The following KRT6C variants were observed in gnomAD, a reference collection of about 807,000 sequenced individuals.
The protein encoded by KRT6C is keratin, type II cytoskeletal 6C.
Under a neutral mutation model 49.4 loss-of-function variants are expected in KRT6C, and 46 were observed. The observed-to-expected ratio is 0.93, with a 90% CI of 0.74 to 1.19. The LOEUF is 1.19. Ranked by LOEUF, KRT6C falls within the 50% of genes most tolerant of loss-of-function variation. KRT6C has a pLI of 0.00. For synonymous variants in KRT6C, 236 were observed against 297.1 expected (o/e 0.79, Z 2.12); for missense variants, 552 against 737.5 (o/e 0.75, Z 2.91).
chr12:52,472,879 C>G (rs1379532606), intron 1 of KRT6C, among the ~76,000 whole-genome samples: 1 of 142,594 alleles, frequency 7.0e-6, no homozygotes, highest in African/African-American at 2.4e-5. Context: ...CCCATATACT[C>G]CTGGCATTTG....
At chr12:52,469,331 C>A in intron 8 of KRT6C, 34 bp from the exon 9 acceptor site, 3 of 1,614,008 alleles carry the variant, frequency 1.9e-6, no homozygotes, top group Non-Finnish European at 2.5e-6. Context: ...CACAAGAAGC[C>A]ACGGTGAGCT....
chr12:52,470,474 T>G (rs1565808294), intron 6 of KRT6C, 31 bp downstream of exon 6: 1 of 1,614,130 alleles, frequency 6.2e-7, no homozygotes, highest in Non-Finnish European at 8.5e-7. Context: ...CAAAAAATGA[T>G]GCTTCTTTCC....
intron 6 of KRT6C, 48 bp downstream of exon 6, chr12:52,470,457 G>C: frequency 6.2e-7 from 1 of 1,613,902 alleles, no homozygotes; most frequent in Non-Finnish European, 8.5e-7. Flanking sequence ...CTGCCTGATG[G>C]GTCTAGCAAA....
At chr12:52,470,221 A>G (rs367087) in intron 6 of KRT6C, 192,746 of 596,164 alleles carry the variant, frequency 0.32, 35,018 homozygotes, top group East Asian at 0.56. Flanking sequence ...TTTGAGGAAT[A>G]CATCTGGATG....
intron 6 of KRT6C, 36 bp from the exon 7 acceptor site, chr12:52,469,926 T>G: frequency 1.9e-6 from 3 of 1,611,504 alleles, no homozygotes; most frequent in Non-Finnish European, 2.5e-6. Context: ...ACTTCTTGTC[T>G]GCTCCTCCGG....
Position 52,468,578 on chromosome 12 carries a change from G to A in KRT6C, c.*484C>T, listed in dbSNP as rs56879750. ...GCAAAGAGCAGAGAAATCATCACAG[G>A]GAGAAAGACTGTGTACATCATACGA... On this transcript the variant is annotated 3_prime_UTR_variant, in exon 9 of 9. Transcript: ENST00000252250. 2,495 of 167,860 alleles carry A rather than the reference G, an allele frequency of 0.015. 68 individuals carry two copies. Among genetic ancestry groups the A allele is most frequent in the African/African-American group, 0.057 (2,377 of 41,758 alleles). The allele number at this position is 167,860 out of a possible 1,614,324, so 10.4% of individuals were successfully genotyped here. A position where few individuals can be genotyped will look rare whatever the true frequency, so the allele number is the denominator to read the frequency against.
intron 6 of KRT6C, 154 bp from the exon 7 acceptor site, chr12:52,470,044 T>C (rs1937846724): frequency 2.2e-6 from 2 of 924,522 alleles, no homozygotes; most frequent in Non-Finnish European, 3.4e-6. Context: ...AATATTTGTC[T>C]AGTCTGGGAG....
In KRT6C at chr12:52,473,752, A is replaced by G. The variant is rs1338960915; in HGVS notation, c.-15T>C. 1.2e-6 allele frequency: 2 copies of G among 1,614,070 alleles called. No individual in the cohort carries two copies. The highest frequency in any genetic ancestry group is 1.1e-5 in the South Asian group (1 of 91,064). ...GTGCTGGCCATGGTTCCAGGAGATG[A>G]GAGGGCTGTGGCGAGCGTTGGAGGC... is the stretch of plus-strand genomic sequence containing the variant. On this transcript the variant is annotated 5_prime_UTR_variant, in exon 1 of 9. Transcript: ENST00000252250.
At chr12:52,470,441 T>G (rs1276657866) in intron 6 of KRT6C, 64 bp downstream of exon 6, 21 of 1,613,428 alleles carry the variant, frequency 1.3e-5, no homozygotes, top group Non-Finnish European at 1.7e-5. Context: ...AAATAATGGC[T>G]AATGACTGCC....
chr12:52,471,499 G>A lies in KRT6C; in HGVS notation c.834C>T (p.Tyr278=), dbSNP rs1251285843. Residue 278 remains tyrosine, a synonymous_variant, in exon 4 of 9, where the codon TAC becomes TAT. Transcript: ENST00000252250. ...TGGCTTGCAGTTCAACCTTGTTCATGTAGGCAGCATCCACATCCTGGGGAA... is the reference window on the plus strand; with the variant it reads ...TGGCTTGCAGTTCAACCTTGTTCATATAGGCAGCATCCACATCCTGGGGAA... ...VTLKKDVDAA[Y]MNKVELQAKA... 9 of 1,613,476 alleles carry A rather than the reference G, an allele frequency of 5.6e-6. No homozygotes were observed. The highest frequency in any genetic ancestry group is 1.3e-5 in the African/African-American group (1 of 74,746).
intron 6 of KRT6C, 85 bp from the exon 7 acceptor site, chr12:52,469,975 A>G (rs904531370): frequency 6.8e-7 from 1 of 1,463,950 alleles, no homozygotes; most frequent in African/African-American, 1.4e-5. Context: ...GGGTCCTGTA[A>G]CCCAAAATTG....
chr12:52,471,057 C>T (rs1260912752), intron 5 of KRT6C, 75 bp downstream of exon 5: 16 of 1,612,702 alleles, frequency 9.9e-6, no homozygotes, highest in Non-Finnish European at 1.3e-5. Context: ...GGGATGTCCC[C>T]AGTGAAGTCT....
intron 3 of KRT6C, 71 bp downstream of exon 3, chr12:52,471,601 C>T: frequency 7.3e-7 from 1 of 1,373,426 alleles, no homozygotes; most frequent in Non-Finnish European, 1.0e-6. Flanking sequence ...AATTCTCTCC[C>T]AGGGGAGCGA....
chr12:52,471,689 A>G lies in KRT6C; in HGVS notation c.799T>C (p.Phe267Leu). 2 of 1,613,144 alleles carry G rather than the reference A, an allele frequency of 1.2e-6. No individual in the cohort carries two copies. Among genetic ancestry groups the G allele is most frequent in the South Asian group, 2.2e-5 (2 of 91,012 alleles). Reference protein sequence around the residue: ...INKRTAAENEFVTLKKDVDAA... With the variant: ...INKRTAAENELVTLKKDVDAA... ...CTGCTCACCTTCTTCAGAGTCACAAATTCATTCTCTGCTGCTGTGCGCTTG... is the reference window on the plus strand; with the variant it reads ...CTGCTCACCTTCTTCAGAGTCACAAGTTCATTCTCTGCTGCTGTGCGCTTG... The change falls in exon 3 of 9, where the codon TTT becomes CTT. Residue 267 changes from phenylalanine to leucine, a missense_variant. Phe to Leu is a conservative substitution (Grantham distance 22). Coordinates refer to ENST00000252250, the MANE Select transcript of KRT6C (RefSeq NM_173086.5).
At position 52,471,160 on chromosome 12, in the gene KRT6C, G is replaced by C; in HGVS notation, c.1049C>G (p.Ala350Gly). 6.2e-7 allele frequency: 1 copy of C among 1,614,154 alleles called. No homozygotes were observed. Among genetic ancestry groups the C allele is most frequent in the Non-Finnish European group, 8.5e-7 (1 of 1,180,018 alleles). The change falls in exon 5 of 9, where the codon GCT (alanine) becomes GGT (glycine). Residue 350 changes from alanine to glycine, a missense_variant. Ala to Gly is a moderately conservative substitution (Grantham distance 60, BLOSUM62 0). Around this residue, in one of 3 missense-constraint regions of KRT6C, gnomAD observed 425 missense variants for 439.4 expected, o/e 0.97. Transcript: ENST00000252250. ...QYEEIAQRSRAEAESWYQTKY... is the reference protein window; with the variant it reads ...QYEEIAQRSRGEAESWYQTKY... ...GGTCTGGTACCAGGACTCAGCCTCA[G>C]CCCGGCTCCTCTGAGCAATCTCCTC...
At chr12:52,469,978 C>A in intron 6 of KRT6C, 88 bp from the exon 7 acceptor site, 1 of 1,409,176 alleles carries the variant, frequency 7.1e-7, no homozygotes, top group East Asian at 2.4e-5. Flanking sequence ...TCCTGTAACC[C>A]AAAATTGACA....
rs1411660603 is a variant in KRT6C, at chr12:52,471,288, G to A, written c.921C>T (p.Ser307=). The A allele has an allele frequency of 2.5e-6, 4 of 1,614,004 alleles. No homozygotes were observed. Among genetic ancestry groups the A allele is most frequent in the Non-Finnish European group, 3.4e-6 (4 of 1,180,036 alleles). Residue 307 remains serine, a synonymous_variant, in exon 5 of 9, where the codon TCC becomes TCT. Transcript: ENST00000252250. ...TGTCTGAGATGTGGGTCTGCATCTG[G>A]GACAGCTCCTGCAGAACAGAAGGTC... ...FLRALYDAEL[S]QMQTHISDTS... is the part of the protein sequence containing the mutation.
At chr12:52,470,018 T>A in intron 6 of KRT6C, 128 bp from the exon 7 acceptor site, 1 of 1,093,410 alleles carries the variant, frequency 9.1e-7, no homozygotes, top group African/African-American at 1.6e-5. Flanking sequence ...TCCTGTCCAG[T>A]ATTTCTCCAT....
chr12:52,471,341 A>T lies in KRT6C; in HGVS notation c.913-45T>A, dbSNP rs772462155. On this transcript the variant is annotated intron_variant, in intron 4 of 8. Coordinates refer to ENST00000252250, the MANE Select transcript of KRT6C (RefSeq NM_173086.5). ...AAGATCAACTTCACATCTGACATTT[A>T]CAGAGATACCCAACCCTATACATCT... 2.5e-6 allele frequency: 4 copies of T among 1,614,226 alleles called. No homozygotes were observed. In the East Asian group the frequency reaches 8.9e-5, roughly 36 times the overall value.
Sources: allele counts gnomAD v4.1 joint callset (sites outside exome capture counted in the v4.1 genomes callset), GRCh38; gene constraint gnomAD v4.1.1; regional missense constraint gnomAD v4.1.1; transcripts MANE v1.5; gene names NCBI Gene and HGNC (gene_info 2026-07-23, HGNC 2026-07-21).